The following HCRTR2 variants were observed in gnomAD, a reference collection of about 807,000 sequenced individuals.
The protein encoded by HCRTR2 is orexin receptor type 2.
Under a neutral mutation model 49.0 loss-of-function variants are expected in HCRTR2, and 22 were observed. The ratio of observed to expected loss-of-function variants is 0.45; its 90% CI spans 0.32 to 0.64. The LOEUF (loss-of-function observed/expected upper bound fraction) is 0.64. HCRTR2 is among the 30% of genes least tolerant of loss of function. The pLI is 0.04. For missense variants in HCRTR2, 491 were observed against 559.4 expected (o/e 0.88, Z 1.23); for synonymous variants, 236 against 205.3 (o/e 1.15, Z -1.28).
In HCRTR2 at chr6:55,150,116, A is replaced by G. The variant is rs143389224; in HGVS notation, c.-377-24095A>G. 2.2e-3 allele frequency among the ~76,000 whole-genome samples: 327 copies of G among 152,058 alleles called. 1 individual carries two copies. The highest frequency in any genetic ancestry group is 7.2e-3 in the African/African-American group (298 of 41,522). On this transcript the variant is annotated intron_variant, in intron 1 of 7. Coordinates refer to the HCRTR2 transcript ENST00000615358. ...TCAGCTCTCATTCTGCTGGCAACAC[A>G]TCACATACATTTAATATTCTACATT...
Position 55,155,194 on chromosome 6 carries a change from AT to A in HCRTR2, c.-377-19006del, listed in dbSNP as rs60518784. 3.1e-3 allele frequency among the ~76,000 whole-genome samples: 419 copies of A among 134,748 alleles called. 1 individual carries two copies. Among genetic ancestry groups the A allele is most frequent in the Non-Finnish European group, 4.0e-3 (252 of 62,822 alleles). 88.4% of individuals were successfully genotyped at this position (134,748 alleles called of 152,430 possible). A position where few individuals can be genotyped will look rare whatever the true frequency, so the allele number is the denominator to read the frequency against. ...ATGCAATCCCTATCAAAATACCAATATTTTTTTTTTTACAGAAATGAAAACA... is the reference window on the plus strand; with the variant it reads ...ATGCAATCCCTATCAAAATACCAATATTTTTTTTTTACAGAAATGAAAACA... On this transcript the variant is annotated intron_variant, in intron 1 of 7. Transcript: ENST00000615358.
chr6:55,225,289 C>T (rs1055141623), intron 1 of HCRTR2, among the ~76,000 whole-genome samples: 14 of 152,256 alleles, frequency 9.2e-5, no homozygotes, highest in East Asian at 1.9e-4. Flanking sequence ...CAACTAGAAA[C>T]ATGACTTTAC....
At chr6:55,112,600 A>G (rs1438344963) in intron 1 of HCRTR2, among the ~76,000 whole-genome samples, 1 of 151,804 alleles carries the variant, frequency 6.6e-6, no homozygotes, top group Non-Finnish European at 1.5e-5. Context: ...GAGGTGAAAT[A>G]CTTCTACAAG....
intron 1 of HCRTR2, among the ~76,000 whole-genome samples, chr6:55,113,452 A>G (rs1490827383): frequency 6.6e-6 from 1 of 151,980 alleles, no homozygotes; most frequent in Non-Finnish European, 1.5e-5. Flanking sequence ...AAATAATCCC[A>G]TCCAAAAGTG....
intron 1 of HCRTR2, among the ~76,000 whole-genome samples, chr6:55,240,502 AT>A (rs1418756797): frequency 6.6e-6 from 1 of 151,990 alleles, no homozygotes; most frequent in African/African-American, 2.4e-5. Context: ...GCACGTTTGC[AT>A]GTAGTTCTTC....
intron 1 of HCRTR2, among the ~76,000 whole-genome samples, chr6:55,126,107 C>T (rs543396571): frequency 1.4e-4 from 22 of 152,228 alleles, no homozygotes; most frequent in Admixed American, 9.2e-4. Flanking sequence ...TCTTCTGAAG[C>T]CTACCTCTGT....
chr6:55,220,252 A>G (rs980101209), intron 1 of HCRTR2, among the ~76,000 whole-genome samples: 1 of 152,172 alleles, frequency 6.6e-6, no homozygotes, highest in Non-Finnish European at 1.5e-5. Flanking sequence ...GAACACACAC[A>G]CTTTCAAACA....
At position 55,258,213 on chromosome 6, in the gene HCRTR2, T is replaced by C. The variant is rs537124192; in HGVS notation, c.646+2834T>C. On this transcript the variant is annotated intron_variant, in intron 3 of 6. Transcript: ENST00000370862. ...TGATTTTTAAAACTATTGTAAAATA[T>C]CTTCTATTTGAGATTAATTCATAAT... Among the ~76,000 whole-genome samples, 15 of 152,252 alleles carry C rather than the reference T, an allele frequency of 9.9e-5. No homozygotes were observed. In the East Asian group the frequency reaches 2.3e-3, roughly 23 times the overall value.
At chr6:55,179,923 T>C (rs1381158054) in intron 1 of HCRTR2, among the ~76,000 whole-genome samples, 4 of 152,198 alleles carry the variant, frequency 2.6e-5, no homozygotes, top group Non-Finnish European at 4.4e-5. Context: ...TGAAAGAAGA[T>C]CCTTCCATGT....
chr6:55,111,144 C>G (rs138081350), intron 1 of HCRTR2, among the ~76,000 whole-genome samples: 1 of 151,332 alleles, frequency 6.6e-6, no homozygotes, highest in Admixed American at 6.6e-5. Context: ...ACAATGAAAT[C>G]AAGATGGAAA....
intron 1 of HCRTR2, among the ~76,000 whole-genome samples, chr6:55,201,512 A>T (rs1406668367): frequency 2.0e-5 from 3 of 152,194 alleles, no homozygotes; most frequent in African/African-American, 7.2e-5. Context: ...CTAATTTACA[A>T]TGAGAAAAAA....
intron 1 of HCRTR2, among the ~76,000 whole-genome samples, chr6:55,160,423 A>G (rs1764789462): frequency 1.3e-5 from 2 of 152,250 alleles, no homozygotes; most frequent in South Asian, 4.1e-4. Flanking sequence ...AAGAAACTGC[A>G]TCAACTAATG....
chr6:55,150,121 A>G (rs985113275), intron 1 of HCRTR2, among the ~76,000 whole-genome samples: 2 of 151,936 alleles, frequency 1.3e-5, no homozygotes, highest in Non-Finnish European at 2.9e-5. Flanking sequence ...AACACATCAC[A>G]TACATTTAAT....
Position 55,277,571 on chromosome 6 carries a change from A to C in HCRTR2, c.954A>C (p.Leu318=), listed in dbSNP as rs1008657011. The C allele has an allele frequency of 1.9e-6, 3 of 1,613,008 alleles. No individual in the cohort carries two copies. The highest frequency in any genetic ancestry group is 1.3e-5 in the African/African-American group (1 of 74,868). Residue 318 remains leucine, a synonymous_variant, in exon 5 of 7, where the codon CTA becomes CTC. Coordinates refer to ENST00000370862, the MANE Select transcript of HCRTR2 (RefSeq NM_001384272.1). ...TTTTGGTATTTGCAATTTGCTATCT[A>C]CCAATTAGCATCCTCAATGTGCTAA... is the stretch of plus-strand genomic sequence containing the variant. The part of the protein sequence containing the change: ...IVLLVFAICY[L]PISILNVLKR...
In HCRTR2 at chr6:55,187,120, A is replaced by T. The variant is rs138307779; in HGVS notation, c.223+12310A>T. Among the ~76,000 whole-genome samples, 480 of 151,996 alleles carry T rather than the reference A, an allele frequency of 3.2e-3. 1 individual carries two copies. The highest frequency in any genetic ancestry group is 0.011 in the African/African-American group (461 of 41,470). On this transcript the variant is annotated intron_variant, in intron 1 of 6. Transcript: ENST00000370862. ...GTAACCTCACCCAGAGAAAGAAGACATTGGGGCCAGGTCTGGTGGCTCATG... is the reference window on the plus strand; with the variant it reads ...GTAACCTCACCCAGAGAAAGAAGACTTTGGGGCCAGGTCTGGTGGCTCATG...
chr6:55,217,428 C>CCA (rs1357336298), intron 1 of HCRTR2, among the ~76,000 whole-genome samples: 1 of 152,132 alleles, frequency 6.6e-6, no homozygotes, highest in Non-Finnish European at 1.5e-5. Flanking sequence ...CCAAAAGTAA[C>CCA]CACACAGCCA....
At chr6:55,129,656 C>T (rs1764327686) in intron 1 of HCRTR2, among the ~76,000 whole-genome samples, 1 of 151,828 alleles carries the variant, frequency 6.6e-6, no homozygotes. Context: ...TCCAATTATT[C>T]CTTCCACTAG....
chr6:55,181,646 A>C (rs568725139), intron 1 of HCRTR2, among the ~76,000 whole-genome samples: 12 of 152,160 alleles, frequency 7.9e-5, no homozygotes, highest in Non-Finnish European at 1.6e-4. Flanking sequence ...ATGAAAAAAA[A>C]CTCAAGTGCT....
intron 1 of HCRTR2, among the ~76,000 whole-genome samples, chr6:55,222,259 C>A (rs1378272797): frequency 2.0e-5 from 3 of 150,990 alleles, no homozygotes. Context: ...GAGCTATCAT[C>A]TTACACCTGG....
Sources: allele counts gnomAD v4.1 joint callset (sites outside exome capture counted in the v4.1 genomes callset), GRCh38; gene constraint gnomAD v4.1.1; transcripts MANE v1.5; gene names NCBI Gene and HGNC (gene_info 2026-07-23, HGNC 2026-07-21).